The following DYNC2I1 variants were observed in gnomAD, a reference collection of about 807,000 sequenced individuals.
The protein encoded by DYNC2I1 is dynein 2 intermediate chain 1.
In DYNC2I1, 89 loss-of-function variants were observed where a neutral mutation model predicts 133.4. That is an observed-to-expected ratio of 0.67 (90% CI 0.56 to 0.80). The LOEUF is 0.80. Ranked by LOEUF, DYNC2I1 falls within the 30% of genes least tolerant of loss-of-function variation. The pLI, the probability that DYNC2I1 is intolerant of heterozygous loss-of-function variation, is 0.00. For synonymous variants in DYNC2I1, 504 were observed against 484.3 expected, an observed-to-expected ratio of 1.04 and a Z score of -0.54; for missense variants, 1,291 against 1,314.5, an observed-to-expected ratio of 0.98 and a Z score of 0.28.
At chr7:158,901,222 C>T (rs1846224765) in intron 8 of DYNC2I1, among the ~76,000 whole-genome samples, 1 of 152,146 alleles carries the variant, frequency 6.6e-6, no homozygotes, top group African/African-American at 2.4e-5. Context: ...AGGTGCACAC[C>T]ACCATGCCCA....
chr7:158,882,664 GGAGTTC>G (rs2129479578), intron 5 of DYNC2I1, among the ~76,000 whole-genome samples: 1 of 152,246 alleles, frequency 6.6e-6, no homozygotes, highest in South Asian at 2.1e-4. Flanking sequence ...CTTGAGGTCA[GGAGTTC>G]GAGACCAGCC....
chr7:158,879,970 C>A lies in DYNC2I1; in HGVS notation c.860C>A (p.Pro287His), dbSNP rs2129478824. The change falls in exon 5 of 25, where the codon CCC becomes CAC. Residue 287 changes from proline (P) to histidine (H), a missense_variant. Transcript: ENST00000407559. ...AAAGAGAAATCGGCAAAAGATGAGC[C>A]CAGGAAAAGGGAATCCCAGGTACCC... ...DRKEKSAKDE[P>H]RKRESQNGEH... The A allele has an allele frequency of 6.3e-7, 1 of 1,598,234 alleles. No individual in the cohort carries two copies. Among genetic ancestry groups the A allele is most frequent in the Non-Finnish European group, 8.5e-7 (1 of 1,175,422 alleles).
chr7:158,918,101 G>A lies in DYNC2I1; in HGVS notation c.1792-639G>A, dbSNP rs139762631. Among the ~76,000 whole-genome samples the A allele has an allele frequency of 2.0e-3, 309 of 152,070 alleles. 1 individual carries two copies. The highest frequency in any genetic ancestry group is 0.01 in the Middle Eastern group (3 of 294). ...CACTTCTCACTCAGTATTCCCGGCCGTCCTGACCCTGAGTGTTCCCGGGTC... is the reference window on the plus strand; with the variant it reads ...CACTTCTCACTCAGTATTCCCGGCCATCCTGACCCTGAGTGTTCCCGGGTC... On this transcript the variant is annotated intron_variant, in intron 14 of 24. Transcript: ENST00000407559.
At chr7:158,916,715 C>G (rs200121098) in intron 14 of DYNC2I1, among the ~76,000 whole-genome samples, 3 of 62,224 alleles carry the variant, frequency 4.8e-5, no homozygotes, top group Admixed American at 1.6e-4. Context: ...CGTCTGCACG[C>G]TGGTTGACAT....
downstream of DYNC2I1, among the ~76,000 whole-genome samples, chr7:158,958,037 T>C (rs7357231): frequency 0.12 from 15,396 of 129,802 alleles, 1,316 homozygotes; most frequent in African/African-American, 0.13. Context: ...AGCCACACCC[T>C]AGGTCGTGGA....
At chr7:158,915,457 A>G (rs1848026099) in intron 14 of DYNC2I1, among the ~76,000 whole-genome samples, 3 of 149,920 alleles carry the variant, frequency 2.0e-5, no homozygotes, top group African/African-American at 7.3e-5. Context: ...TGATTGTGAA[A>G]CGTCGACACG....
intron 4 of DYNC2I1, among the ~76,000 whole-genome samples, chr7:158,952,570 A>AG (rs1279389161): frequency 6.6e-6 from 1 of 151,846 alleles, no homozygotes; most frequent in Admixed American, 6.6e-5. Flanking sequence ...GATACTTAAA[A>AG]AAATATCCTA....
At chr7:158,946,224 G>A (rs1851866197), downstream of DYNC2I1, 1 of 153,054 alleles carries the variant, frequency 6.5e-6, no homozygotes, top group East Asian at 1.9e-4. Context: ...TAAAATTCTT[G>A]AGCACCTTCT....
In DYNC2I1 at chr7:158,926,990, A is replaced by G; in HGVS notation, c.2434-2A>G. 6.3e-7 allele frequency: 1 copy of G among 1,598,326 alleles called. No individual in the cohort carries two copies. Among genetic ancestry groups the G allele is most frequent in the Non-Finnish European group, 8.5e-7 (1 of 1,170,274 alleles). ...TATTCATTTTCAATATTCTGTTTTTAGGTGGTTGTTGAATTACCAAAGGCA... is the reference window on the plus strand; with the variant it reads ...TATTCATTTTCAATATTCTGTTTTTGGGTGGTTGTTGAATTACCAAAGGCA... On this transcript the variant is annotated splice_acceptor_variant, in intron 19 of 24. Transcript: ENST00000407559. LOFTEE classifies it high-confidence loss of function.
chr7:158,851,323 A>G, the DYNC2I1 span, among the ~76,000 whole-genome samples: 1 of 152,136 alleles, frequency 6.6e-6, no homozygotes, highest in Non-Finnish European at 1.5e-5. Context: ...GCTTGAGCTC[A>G]GGAGTTCAAG....
intron 1 of DYNC2I1, among the ~76,000 whole-genome samples, chr7:158,861,039 A>G (rs1841830292): frequency 6.6e-6 from 1 of 152,220 alleles, no homozygotes; most frequent in African/African-American, 2.4e-5. Context: ...CTCGCGGTGT[A>G]AGGCCACCTC....
In DYNC2I1 at chr7:158,913,302, C is replaced by A. The variant is rs1017880857; in HGVS notation, c.1702+206C>A. Among the ~76,000 whole-genome samples, 3 of 152,198 alleles carry A rather than the reference C, an allele frequency of 2.0e-5. No individual in the cohort carries two copies. In the East Asian group the frequency reaches 5.8e-4, roughly 29 times the overall value. On this transcript the variant is annotated intron_variant, in intron 13 of 24. Transcript: ENST00000407559. ...CTGCTGAACTACAAGTGGGAGGAAA[C>A]CTGCTCTCGAGGCCCAGTCTGTGCC...
rs536329925 is a variant in DYNC2I1, at chr7:158,897,713, T to C, written c.1060-4026T>C. On this transcript the variant is annotated intron_variant, in intron 8 of 24. Coordinates refer to ENST00000407559, the MANE Select transcript of DYNC2I1 (RefSeq NM_018051.5). Reference sequence around the variant, plus strand: ...AAGACAGCTTTTGATTTCATTGATTTTTCTCTGTTGATTTCCTATTTTTAA... The same window carrying C: ...AAGACAGCTTTTGATTTCATTGATTCTTCTCTGTTGATTTCCTATTTTTAA... Among the ~76,000 whole-genome samples the C allele has an allele frequency of 1.6e-4, 25 of 152,338 alleles. 1 individual carries two copies. In the East Asian group the frequency reaches 2.7e-3, roughly 16 times the overall value.
rs71189438 is a variant in DYNC2I1 at position 158,937,622 on chromosome 7, G to GAA, written c.2778+3085_2778+3086dup. Among the ~76,000 whole-genome samples the GAA allele has an allele frequency of 1.6e-4, 18 of 109,460 alleles. 1 individual carries two copies. The East Asian group carries it at 2.9e-3, about 18-fold the overall frequency. 71.8% of individuals were successfully genotyped at this position (109,460 alleles called of 152,430 possible). On this transcript the variant is annotated intron_variant, in intron 23 of 24. Coordinates refer to ENST00000407559, the MANE Select transcript of DYNC2I1 (RefSeq NM_018051.5). Reference sequence around the variant, plus strand: ...GGGTGACAGGGTGAGACTGTCTCAAGAAAAAAAAAAAAAGACACAAGGCTG... The same window carrying GAA: ...GGGTGACAGGGTGAGACTGTCTCAAGAAAAAAAAAAAAAAAGACACAAGGCTG...
chr7:158,953,586 A>G (rs1426372239), intron 4 of DYNC2I1, among the ~76,000 whole-genome samples: 1 of 152,154 alleles, frequency 6.6e-6, no homozygotes, highest in African/African-American at 2.4e-5. Context: ...CCCTATCTCT[A>G]CAAATAAACA....
intron 11 of DYNC2I1, among the ~76,000 whole-genome samples, chr7:158,909,484 TATA>T (rs1281976889): frequency 6.6e-6 from 1 of 151,988 alleles, no homozygotes; most frequent in Admixed American, 6.6e-5. Context: ...ACTCTGAGGA[TATA>T]ATGTCATGAA....
chr7:158,891,270 C>T lies in DYNC2I1; in HGVS notation c.996C>T (p.Gly332=). The T allele has an allele frequency of 1.9e-6, 3 of 1,613,918 alleles. No individual in the cohort carries two copies. The highest frequency in any genetic ancestry group is 2.2e-5 in the East Asian group (1 of 44,896). ...GGCTGTTCTCTCTCCATTAGCATGG[C>T]CACGAGGAAGGCTCTTCTGTGTGGT... ...GKDKDSRRKH[G]HEEGSSVWWK... The change falls in exon 8 of 25, where the codon GGC becomes GGT. Residue 332 remains glycine, a synonymous_variant. Transcript: ENST00000407559.
At chr7:158,878,378 C>A (rs1379121956) in intron 4 of DYNC2I1, among the ~76,000 whole-genome samples, 1 of 116,836 alleles carries the variant, frequency 8.6e-6, no homozygotes, top group African/African-American at 3.3e-5. Context: ...CCAGGAGGGC[C>A]GACTGTGAAT....
chr7:158,840,280 G>A, the DYNC2I1 span, among the ~76,000 whole-genome samples: 1 of 151,990 alleles, frequency 6.6e-6, no homozygotes, highest in Non-Finnish European at 1.5e-5. Flanking sequence ...AGAAAAAATG[G>A]TTTTGGCCGG....
Sources: gnomAD v4.1 joint callset for allele counts (sites outside exome capture counted in the v4.1 genomes callset) on GRCh38, gnomAD v4.1.1 for gene constraint, MANE v1.5 for transcripts, NCBI Gene and HGNC (gene_info 2026-07-23, HGNC 2026-07-21) for gene names.